SCN4B: variants seen among roughly 807,000 people sequenced by gnomAD.
SCN4B encodes sodium channel regulatory subunit beta-4.
A neutral mutation model predicts 19.6 loss-of-function variants in SCN4B; 20 were observed. The observed-to-expected ratio is 1.02, with a 90% confidence interval of 0.72 to 1.48. The LOEUF (loss-of-function observed/expected upper bound fraction) is 1.48. SCN4B is among the 40% of genes most tolerant of loss of function. The probability of loss-of-function intolerance (pLI) is 0.00; values close to 1 mark genes in which losing one functional copy is unlikely to be tolerated. For missense variants in SCN4B, 271 were observed against 287.5 expected (o/e 0.94, Z 0.42); for synonymous variants, 127 against 122.8 (o/e 1.03, Z -0.22).
chr11:118,142,957 C>T (rs1293475699), intron 3 of SCN4B: 2 of 152,268 alleles, frequency 1.3e-5, no homozygotes, highest in African/African-American at 4.8e-5. Context: ...CTTGCATACT[C>T]GAGATTGAAC....
intron 1 of SCN4B, among the ~76,000 whole-genome samples, chr11:118,151,923 A>T (rs1033126996): frequency 3.9e-5 from 6 of 152,168 alleles, no homozygotes; most frequent in Non-Finnish European, 7.3e-5. Flanking sequence ...CTCTGTCTCC[A>T]TATTCACTTC....
chr11:118,147,100 A>G (rs958467825), intron 1 of SCN4B, among the ~76,000 whole-genome samples: 45 of 152,206 alleles, frequency 3.0e-4, no homozygotes, highest in African/African-American at 1.0e-3. Context: ...TTACATTTCG[A>G]GAAAGTTCCC....
chr11:118,149,353 G>A (rs561031673), intron 1 of SCN4B, among the ~76,000 whole-genome samples: 6 of 152,256 alleles, frequency 3.9e-5, no homozygotes, highest in South Asian at 2.1e-4. Flanking sequence ...GTGGACACAC[G>A]GCTGACTTTA....
intron 2 of SCN4B, 133 bp downstream of exon 2, chr11:118,144,924 T>G: frequency 1.2e-6 from 1 of 867,264 alleles, no homozygotes. Flanking sequence ...AAAAGAATAC[T>G]GGGAGAAAGG....
chr11:118,148,733 C>T lies in SCN4B; in HGVS notation c.62-3504G>A, dbSNP rs530016348. On this transcript the variant is annotated intron_variant, in intron 1 of 4. Transcript: ENST00000324727. The surrounding 1 kb of genome is among the most constrained non-coding windows in gnomAD (Gnocchi z 4.0). ...CCTAGCTTCCCTGAATAACCAGTGT[C>T]AGCCAAGAATGTCTCCAGGCCATTC... 7.2e-5 allele frequency among the ~76,000 whole-genome samples: 11 copies of T among 152,356 alleles called. No homozygotes were observed. In the South Asian group the frequency reaches 2.1e-3, roughly 29 times the overall value.
Position 118,141,439 on chromosome 11 carries a change from CT to C in SCN4B, c.464-104del, listed in dbSNP as rs1408095210. Reference sequence around the variant, plus strand: ...GCAAGGGCCATGTAGCCTCCACCCCCTGGCATCCGGGGCACATCCACTCCCA... The same window carrying C: ...GCAAGGGCCATGTAGCCTCCACCCCCGGCATCCGGGGCACATCCACTCCCA... On this transcript the variant is annotated intron_variant, in intron 3 of 4. Transcript: ENST00000324727. 12 of 1,447,868 alleles carry C rather than the reference CT, an allele frequency of 8.3e-6. No individual in the cohort carries two copies. In the Admixed American group the frequency reaches 1.2e-4, roughly 15 times the overall value. The allele number at this position is 1,447,868 out of a possible 1,614,324, so 89.7% of individuals were successfully genotyped here. A position where few individuals can be genotyped will look rare whatever the true frequency, so the allele number is the denominator to read the frequency against.
chr11:118,140,703 C>T (rs1350457537), intron 4 of SCN4B, among the ~76,000 whole-genome samples: 2 of 152,226 alleles, frequency 1.3e-5, no homozygotes, highest in Non-Finnish European at 2.9e-5. Flanking sequence ...TCCTAGGGCT[C>T]CCTGGGAGGC....
rs1006275852 is a variant in SCN4B at position 118,134,527 on chromosome 11, C to A, written c.*2500G>T. On this transcript the variant is annotated 3_prime_UTR_variant, in exon 5 of 5. Transcript: ENST00000324727. ...AAGTTTAGCATTCTTAGTAGTGCCC[C>A]CACGCATGGGGGCAACCAAAAATGC... is the stretch of plus-strand genomic sequence containing the variant. 2.2e-6 allele frequency: 1 copy of A among 453,946 alleles called. No homozygotes were observed. Among genetic ancestry groups the A allele is most frequent in the Non-Finnish European group, 4.4e-6 (1 of 226,786 alleles). The allele number at this position is 453,946 out of a possible 1,614,324, so 28.1% of individuals were successfully genotyped here.
At chr11:118,144,108 C>T in intron 2 of SCN4B, 47 bp from the exon 3 acceptor site, 4 of 1,337,686 alleles carry the variant, frequency 3.0e-6, no homozygotes, top group East Asian at 2.3e-5. Context: ...GAGAAAGAAT[C>T]GGGGTCCTCA....
At chr11:118,146,375 G>A (rs1948176706) in intron 1 of SCN4B, among the ~76,000 whole-genome samples, 1 of 151,810 alleles carries the variant, frequency 6.6e-6, no homozygotes, top group South Asian at 2.1e-4. Flanking sequence ...CAAGGTCGGT[G>A]GAGGCGGGGG....
At chr11:118,140,316 G>GT (rs1247895675) in intron 4 of SCN4B, among the ~76,000 whole-genome samples, 1 of 152,106 alleles carries the variant, frequency 6.6e-6, no homozygotes, top group Non-Finnish European at 1.5e-5. Flanking sequence ...GCTGCTACCT[G>GT]TATGGCCCCT....
intron 1 of SCN4B, among the ~76,000 whole-genome samples, chr11:118,149,333 G>T (rs1948213449): frequency 6.6e-6 from 1 of 152,158 alleles, no homozygotes; most frequent in African/African-American, 2.4e-5. Context: ...AGGGCTTGCT[G>T]GCATGGCAAG....
rs977757713 is a variant in SCN4B at position 118,135,578 on chromosome 11, C to A, written c.*1449G>T. On this transcript the variant is annotated 3_prime_UTR_variant, in exon 5 of 5. Coordinates refer to ENST00000324727, the MANE Select transcript of SCN4B (RefSeq NM_174934.4). Reference sequence around the variant, plus strand: ...CCCACTCCCAACATCACCACCTCCCCCTAGGGCAGGCTAGAAACCCCAATG... The same window carrying A: ...CCCACTCCCAACATCACCACCTCCCACTAGGGCAGGCTAGAAACCCCAATG... 3 of 453,988 alleles carry A rather than the reference C, an allele frequency of 6.6e-6. No homozygotes were observed. The highest frequency in any genetic ancestry group is 1.3e-5 in the Non-Finnish European group (3 of 226,774). The allele number at this position is 453,988 out of a possible 1,614,324, so 28.1% of individuals were successfully genotyped here.
intron 1 of SCN4B, 129 bp downstream of exon 1, chr11:118,152,484 G>T: frequency 1.3e-6 from 1 of 764,058 alleles, no homozygotes. Flanking sequence ...GCAGGAAGCC[G>T]GCGGCCACCA....
chr11:118,136,282 G>A lies in SCN4B; in HGVS notation c.*745C>T, dbSNP rs2135496662. The A allele has an allele frequency of 4.4e-6, 2 of 453,882 alleles. No homozygotes were observed. The highest frequency in any genetic ancestry group is 8.8e-6 in the Non-Finnish European group (2 of 226,700). The allele number at this position is 453,882 out of a possible 1,614,324, so 28.1% of individuals were successfully genotyped here. A position where few individuals can be genotyped will look rare whatever the true frequency, so the allele number is the denominator to read the frequency against. ...TTGGAAAGGCATAGGGAGCACTCGG[G>A]TACTCCAGGAAGGCTCGAGGGGCCC... is the stretch of plus-strand genomic sequence containing the variant. On this transcript the variant is annotated 3_prime_UTR_variant, in exon 5 of 5. Coordinates refer to ENST00000324727, the MANE Select transcript of SCN4B (RefSeq NM_174934.4).
chr11:118,141,513 G>A (rs1414586079), intron 3 of SCN4B, 177 bp from the exon 4 acceptor site: 2 of 700,738 alleles, frequency 2.9e-6, no homozygotes, highest in Non-Finnish European at 4.9e-6. Context: ...GAGAGGCAGA[G>A]CATGGCATCT....
Position 118,135,573 on chromosome 11 carries a change from C to T in SCN4B, c.*1454G>A. ...GAGATCCCACTCCCAACATCACCAC[C>T]TCCCCCTAGGGCAGGCTAGAAACCC... On this transcript the variant is annotated 3_prime_UTR_variant, in exon 5 of 5. Coordinates refer to ENST00000324727, the MANE Select transcript of SCN4B (RefSeq NM_174934.4). The T allele has an allele frequency of 2.2e-6, 1 of 454,090 alleles. No individual in the cohort carries two copies. The highest frequency in any genetic ancestry group is 1.6e-5 in the South Asian group (1 of 64,472). The allele number at this position is 454,090 out of a possible 1,614,324, so 28.1% of individuals were successfully genotyped here.
chr11:118,146,147 C>G (rs915088823), intron 1 of SCN4B, among the ~76,000 whole-genome samples: 2 of 152,176 alleles, frequency 1.3e-5, no homozygotes, highest in African/African-American at 4.8e-5. Flanking sequence ...ACACTCCGCC[C>G]CCTCGTCCCC....
chr11:118,152,467 G>T (rs985081541), intron 1 of SCN4B, 146 bp downstream of exon 1: 1 of 686,954 alleles, frequency 1.5e-6, no homozygotes, highest in Non-Finnish European at 2.6e-6. Context: ...AACCAGGCAG[G>T]AACCAGGCAG....
Sources: allele counts gnomAD v4.1 joint callset (sites outside exome capture counted in the v4.1 genomes callset), GRCh38; gene constraint gnomAD v4.1.1; non-coding constraint Gnocchi (gnomAD v3.1); transcripts MANE v1.5; gene names NCBI Gene and HGNC (gene_info 2026-07-23, HGNC 2026-07-21).